Variants in DCLK2 observed in about 807,000 individuals in gnomAD.
The protein encoded by DCLK2 is doublecortin like kinase 2, also known as serine/threonine-protein kinase DCLK2.
Under a neutral mutation model 78.4 loss-of-function variants are expected in DCLK2, and 31 were observed. The observed-to-expected ratio is 0.40, with a 90% CI of 0.30 to 0.53. The LOEUF (loss-of-function observed/expected upper bound fraction) is 0.53, where lower values mean the gene tolerates loss of function less well. Ranked by LOEUF, DCLK2 falls within the 20% of genes least tolerant of loss-of-function variation. DCLK2 has a pLI of 0.61. For synonymous variants in DCLK2, 407 were observed against 374.9 expected (o/e 1.09, Z -0.99); for missense variants, 872 against 973.7 (o/e 0.90, Z 1.39).
At chr4:150,186,821 A>C (rs757817296) in intron 2 of DCLK2, among the ~76,000 whole-genome samples, 1 of 151,962 alleles carries the variant, frequency 6.6e-6, no homozygotes, top group Non-Finnish European at 1.5e-5. Context: ...TGAGCCCAGG[A>C]GGTTGAGGCT....
Position 150,232,711 on chromosome 4 carries a change from G to A in DCLK2, c.1449G>A (p.Ser483=), listed in dbSNP as rs374196545. The A allele has an allele frequency of 2.0e-5, 33 of 1,611,342 alleles. No individual in the cohort carries two copies. In the East Asian group the frequency reaches 4.3e-4, roughly 21 times the overall value. Residue 483 remains serine (S), a synonymous_variant, in exon 10 of 16, where the codon TCG becomes TCA. Transcript: ENST00000296550. ...GAGATCTCTTTGATGCAATTACTTC[G>A]TCGACCAAGTACACTGAGAGAGATG... ...KGGDLFDAIT[S]STKYTERDGS...
Position 150,256,250 on chromosome 4 carries a change from C to T in DCLK2, c.*3C>T, listed in dbSNP as rs1744560554. On this transcript the variant is annotated 3_prime_UTR_variant, in exon 16 of 16. Transcript: ENST00000296550. ...CCTGGCGCCGCCACCGAGACTGAGC[C>T]TCCTGCAGACGGGCGAAGCCGCCTG... 1.3e-6 allele frequency: 2 copies of T among 1,506,064 alleles called. No individual in the cohort carries two copies. The highest frequency in any genetic ancestry group is 8.9e-7 in the Non-Finnish European group (1 of 1,127,924). The allele number at this position is 1,506,064 out of a possible 1,614,324, so 93.3% of individuals were successfully genotyped here. A position where few individuals can be genotyped will look rare whatever the true frequency, so the allele number is the denominator to read the frequency against.
At chr4:150,112,203 A>G (rs1731744357) in intron 2 of DCLK2, among the ~76,000 whole-genome samples, 1 of 151,934 alleles carries the variant, frequency 6.6e-6, no homozygotes, top group Non-Finnish European at 1.5e-5. Flanking sequence ...ATTCCTAGGT[A>G]TTTTATTTTA....
intron 1 of DCLK2, among the ~76,000 whole-genome samples, chr4:150,088,126 C>A (rs1446914183): frequency 1.3e-5 from 2 of 152,184 alleles, no homozygotes; most frequent in Admixed American, 1.3e-4. Context: ...CCTTGCTCAT[C>A]ATCTTGGTCT....
chr4:150,106,593 C>G (rs567494489), intron 2 of DCLK2, among the ~76,000 whole-genome samples: 15 of 152,292 alleles, frequency 9.8e-5, no homozygotes, highest in South Asian at 4.1e-4. Flanking sequence ...TAAAATTTTC[C>G]TGATCGTCAA....
chr4:150,107,487 C>T (rs1731350678), intron 2 of DCLK2, among the ~76,000 whole-genome samples: 1 of 150,980 alleles, frequency 6.6e-6, no homozygotes, highest in Non-Finnish European at 1.5e-5. Context: ...AGTGATCCTC[C>T]CACTTCAAGT....
At chr4:150,124,909 C>T (rs906350830) in intron 2 of DCLK2, among the ~76,000 whole-genome samples, 1 of 151,994 alleles carries the variant, frequency 6.6e-6, no homozygotes. Flanking sequence ...TGATTTGTGC[C>T]CCCAAGGAGC....
At chr4:150,151,222 G>A (rs1360946043) in intron 2 of DCLK2, among the ~76,000 whole-genome samples, 1 of 152,214 alleles carries the variant, frequency 6.6e-6, no homozygotes, top group Non-Finnish European at 1.5e-5. Flanking sequence ...GGAAACCATT[G>A]TTTACAACAT....
At chr4:150,133,688 G>C (rs937225007) in intron 2 of DCLK2, among the ~76,000 whole-genome samples, 1 of 152,202 alleles carries the variant, frequency 6.6e-6, no homozygotes, top group African/African-American at 2.4e-5. Context: ...TCTCTGATAA[G>C]AGAATGTGAA....
intron 2 of DCLK2, among the ~76,000 whole-genome samples, chr4:150,190,265 A>G (rs1386998968): frequency 8.8e-6 from 1 of 113,242 alleles, no homozygotes; most frequent in African/African-American, 2.9e-5. Context: ...ATAGATAGAT[A>G]GATAGATAGA....
intron 15 of DCLK2, among the ~76,000 whole-genome samples, chr4:150,255,014 C>A (rs1029137313): frequency 6.6e-6 from 1 of 152,160 alleles, no homozygotes; most frequent in Admixed American, 6.5e-5. Flanking sequence ...CTTGTGAGGG[C>A]CTGTGGAGAA....
At chr4:150,136,944 A>G (rs1007936933) in intron 2 of DCLK2, among the ~76,000 whole-genome samples, 1 of 147,984 alleles carries the variant, frequency 6.8e-6, no homozygotes, top group Admixed American at 6.8e-5. Context: ...AATTCCAAAA[A>G]TGTATTTATT....
At chr4:150,211,045 C>T (rs911382874) in intron 5 of DCLK2, among the ~76,000 whole-genome samples, 3 of 151,846 alleles carry the variant, frequency 2.0e-5, no homozygotes, top group South Asian at 2.1e-4. Flanking sequence ...ACAGTTTTTA[C>T]GGGTCAGAAA....
chr4:150,169,757 ATTGG>A (rs1736375592), intron 2 of DCLK2, among the ~76,000 whole-genome samples: 1 of 151,816 alleles, frequency 6.6e-6, no homozygotes, highest in East Asian at 1.9e-4. Context: ...AAACAGTTTT[ATTGG>A]TTACAGCTGG....
chr4:150,217,153 T>G (rs1441704747), intron 5 of DCLK2, among the ~76,000 whole-genome samples: 1 of 152,176 alleles, frequency 6.6e-6, no homozygotes, highest in Non-Finnish European at 1.5e-5. Flanking sequence ...AATTCTTGCT[T>G]CAGTAAGAGA....
chr4:150,109,861 T>C (rs1731539584), intron 2 of DCLK2, among the ~76,000 whole-genome samples: 1 of 152,190 alleles, frequency 6.6e-6, no homozygotes, highest in Non-Finnish European at 1.5e-5. Context: ...TGATTCCTGA[T>C]CTAAGGTGAC....
intron 4 of DCLK2, 43 bp from the exon 5 acceptor site, chr4:150,203,752 G>T: frequency 6.6e-7 from 1 of 1,508,526 alleles, no homozygotes. Flanking sequence ...GGTTGTTGTG[G>T]GTTTTAATGG....
chr4:150,224,568 G>T lies in DCLK2; in HGVS notation c.1299+10G>T, dbSNP rs745827734. On this transcript the variant is annotated intron_variant, in intron 8 of 15. Transcript: ENST00000296550. ...CAAATGTTGTGGAAAGGTATAGTAT[G>T]CATAACCCCTAGTTCTGAAAGAAAC... is the stretch of plus-strand genomic sequence containing the variant. 44 of 1,602,540 alleles carry T rather than the reference G, an allele frequency of 2.7e-5. No individual in the cohort carries two copies. Among genetic ancestry groups the T allele is most frequent in the African/African-American group, 4.0e-5 (3 of 74,296 alleles).
At chr4:150,190,875 T>C (rs1404619049) in intron 2 of DCLK2, among the ~76,000 whole-genome samples, 1 of 152,144 alleles carries the variant, frequency 6.6e-6, no homozygotes, top group Non-Finnish European at 1.5e-5. Flanking sequence ...GAGGATTGCT[T>C]GAGCCCAGGA....
Sources: gnomAD v4.1 joint callset for allele counts (sites outside exome capture counted in the v4.1 genomes callset) on GRCh38, gnomAD v4.1.1 for gene constraint, MANE v1.5 for transcripts, NCBI Gene and HGNC (gene_info 2026-07-23, HGNC 2026-07-21) for gene names.